Variants in GOPC observed in about 807,000 individuals in gnomAD.
GOPC encodes Golgi-associated PDZ and coiled-coil motif-containing protein.
Under a neutral mutation model 51.2 loss-of-function variants are expected in GOPC, and 32 were observed. That is an observed-to-expected ratio of 0.63 (90% CI 0.47 to 0.84). The LOEUF (loss-of-function observed/expected upper bound fraction) is 0.84, where lower values mean the gene tolerates loss of function less well. GOPC is among the 40% of genes least tolerant of loss of function. GOPC has a pLI of 0.00. For missense variants in GOPC, 441 were observed against 555.5 expected, an observed-to-expected ratio of 0.79 and a Z score of 2.07; for synonymous variants, 190 against 205.1, an observed-to-expected ratio of 0.93 and a Z score of 0.63.
At position 117,560,430 on chromosome 6, in the gene GOPC, G is replaced by A. The variant is rs921264183; in HGVS notation, c.*2824C>T. ...AATAGATTTGAGGCCAACCATAAGTGTAAGACTGGATAGATGGAATAGGGA... is the reference window on the plus strand; with the variant it reads ...AATAGATTTGAGGCCAACCATAAGTATAAGACTGGATAGATGGAATAGGGA... On this transcript the variant is annotated 3_prime_UTR_variant, in exon 9 of 9. Transcript: ENST00000368498. 1.1e-5 allele frequency: 2 copies of A among 189,556 alleles called. No homozygotes were observed. The highest frequency in any genetic ancestry group is 2.3e-5 in the African/African-American group (1 of 42,858). The allele number at this position is 189,556 out of a possible 1,614,324, so 11.7% of individuals were successfully genotyped here. A position where few individuals can be genotyped will look rare whatever the true frequency, so the allele number is the denominator to read the frequency against.
intron 8 of GOPC, among the ~76,000 whole-genome samples, chr6:117,565,006 A>G (rs1423422483): frequency 6.6e-6 from 1 of 152,196 alleles, no homozygotes; most frequent in African/African-American, 2.4e-5. Context: ...GAGGACTCCA[A>G]GAAGCTTCTG....
chr6:117,592,952 T>G (rs895052237), intron 1 of GOPC, among the ~76,000 whole-genome samples: 1 of 152,192 alleles, frequency 6.6e-6, no homozygotes, highest in African/African-American at 2.4e-5. Context: ...AATAACACAC[T>G]TGTCTGTATA....
At chr6:117,591,027 T>TA (rs1780109356) in intron 1 of GOPC, among the ~76,000 whole-genome samples, 1 of 152,116 alleles carries the variant, frequency 6.6e-6, no homozygotes, top group Non-Finnish European at 1.5e-5. Flanking sequence ...TAATTTTGTA[T>TA]ATTTAGTAGA....
chr6:117,582,810 T>G (rs1223279898), intron 1 of GOPC, among the ~76,000 whole-genome samples: 1 of 150,782 alleles, frequency 6.6e-6, no homozygotes, highest in African/African-American at 2.4e-5. Context: ...CAGCATGAAT[T>G]CACATTACCT....
intron 5 of GOPC, 111 bp from the exon 6 acceptor site, chr6:117,571,066 A>G (rs1779799361): frequency 6.3e-6 from 3 of 472,524 alleles, no homozygotes; most frequent in Middle Eastern, 5.7e-4. Context: ...ACTTCCTGGA[A>G]TGGATAAACA....
chr6:117,585,797 G>A (rs1184698329), intron 1 of GOPC, among the ~76,000 whole-genome samples: 1 of 152,176 alleles, frequency 6.6e-6, no homozygotes, highest in Non-Finnish European at 1.5e-5. Flanking sequence ...GTACTTGTGA[G>A]CATACACAGG....
At chr6:117,601,931 A>G in intron 1 of GOPC, 73 bp downstream of exon 1, 1 of 1,505,244 alleles carries the variant, frequency 6.6e-7, no homozygotes, top group Non-Finnish European at 9.1e-7. Flanking sequence ...GTTTCACTGG[A>G]GCGTTAAATG....
intron 7 of GOPC, among the ~76,000 whole-genome samples, chr6:117,568,026 C>CAAAAA (rs779227271): frequency 6.4e-5 from 3 of 46,630 alleles, no homozygotes; most frequent in Admixed American, 2.5e-4. Flanking sequence ...CCCATCTCTA[C>CAAAAA]AAAAAAAAAA....
chr6:117,564,153 A>C (rs1779646536), intron 8 of GOPC, among the ~76,000 whole-genome samples: 1 of 151,748 alleles, frequency 6.6e-6, no homozygotes, highest in South Asian at 2.1e-4. Context: ...ATATTTTAAA[A>C]ATTTTTTTGA....
intron 1 of GOPC, among the ~76,000 whole-genome samples, chr6:117,595,751 T>A (rs1272445049): frequency 6.6e-6 from 1 of 152,242 alleles, no homozygotes; most frequent in Non-Finnish European, 1.5e-5. Context: ...CTGAGTAATA[T>A]TCCAGGTGTC....
intron 1 of GOPC, among the ~76,000 whole-genome samples, chr6:117,585,291 C>T (rs1010896645): frequency 6.6e-6 from 1 of 152,034 alleles, no homozygotes; most frequent in Non-Finnish European, 1.5e-5. Flanking sequence ...TAAATATAAG[C>T]AGGTTTTTAT....
At position 117,561,257 on chromosome 6, in the gene GOPC, T is replaced by C. The variant is rs1471202816; in HGVS notation, c.*1997A>G. On this transcript the variant is annotated 3_prime_UTR_variant, in exon 9 of 9. Coordinates refer to ENST00000368498, the MANE Select transcript of GOPC (RefSeq NM_020399.4). ...ACAGTGACCTCATAAAAATTCCAAC[T>C]TGAAGTTTTAAAAAACCACCTCTTC... is the stretch of plus-strand genomic sequence containing the variant. 4.5e-6 allele frequency: 1 copy of C among 223,374 alleles called. No individual in the cohort carries two copies. Among genetic ancestry groups the C allele is most frequent in the Admixed American group, 5.7e-5 (1 of 17,408 alleles). 13.8% of individuals were successfully genotyped at this position (223,374 alleles called of 1,614,324 possible).
intron 1 of GOPC, among the ~76,000 whole-genome samples, chr6:117,580,168 C>T (rs530066729): frequency 4.0e-4 from 61 of 152,048 alleles, no homozygotes; most frequent in Non-Finnish European, 7.9e-4. Flanking sequence ...GACTAAAAGC[C>T]TCTCTGAGCA....
Position 117,566,913 on chromosome 6 carries a change from C to G in GOPC, c.1199G>C (p.Gly400Ala). The change falls in exon 8 of 9, where the codon GGA (glycine) becomes GCA (alanine). Residue 400 changes from glycine to alanine, a missense_variant. By Grantham distance (60) the Gly-to-Ala change is moderately conservative. Coordinates refer to ENST00000368498, the MANE Select transcript of GOPC (RefSeq NM_020399.4). Reference protein sequence around the residue: ...RYRLYLDELEGGGNPGASCKD... With the variant: ...RYRLYLDELEAGGNPGASCKD... Reference sequence around the variant, plus strand: ...GCAACTAGCACCAGGGTTACCACCTCCTTCTAACTCATCAAGGTACAAACG... The same window carrying G: ...GCAACTAGCACCAGGGTTACCACCTGCTTCTAACTCATCAAGGTACAAACG... 1 of 1,610,570 alleles carries G rather than the reference C, an allele frequency of 6.2e-7. No homozygotes were observed. Among genetic ancestry groups the G allele is most frequent in the Admixed American group, 1.7e-5 (1 of 59,266 alleles).
chr6:117,573,510 C>A lies in GOPC; in HGVS notation c.773G>T (p.Gly258Val). ...CATTGGTCGTTTCAAGTCATTACGT[C>A]CTCTGCAGGCTCGGATCACAGTTTT... Reference protein sequence around the residue: ...RHKTVIRACRGRNDLKRPMQA... With the variant: ...RHKTVIRACRVRNDLKRPMQA... The change falls in exon 5 of 9, where the codon GGA becomes GTA. Residue 258 changes from glycine to valine, a missense_variant. Transcript: ENST00000368498. 1 of 1,614,090 alleles carries A rather than the reference C, an allele frequency of 6.2e-7. No individual in the cohort carries two copies. The highest frequency in any genetic ancestry group is 8.5e-7 in the Non-Finnish European group (1 of 1,179,998).
intron 1 of GOPC, among the ~76,000 whole-genome samples, chr6:117,586,475 CTTTTTTTTTTTT>C (rs869148559): frequency 0.022 from 1,993 of 92,096 alleles, 49 homozygotes; most frequent in South Asian, 0.088. Context: ...CACAGAGATT[CTTTTTTTTTTTT>C]TTTTTTTTTT....
intron 1 of GOPC, among the ~76,000 whole-genome samples, chr6:117,589,989 T>C (rs1332747083): frequency 6.6e-6 from 1 of 152,214 alleles, no homozygotes; most frequent in Non-Finnish European, 1.5e-5. Context: ...TGCTTGTGAA[T>C]TACATACCAG....
At chr6:117,565,488 T>C (rs1779678122) in intron 8 of GOPC, among the ~76,000 whole-genome samples, 1 of 152,224 alleles carries the variant, frequency 6.6e-6, no homozygotes, top group Non-Finnish European at 1.5e-5. Flanking sequence ...GAATGGATCT[T>C]TTCCCATGCA....
At chr6:117,564,485 A>G (rs1359216139) in intron 8 of GOPC, among the ~76,000 whole-genome samples, 1 of 152,236 alleles carries the variant, frequency 6.6e-6, no homozygotes, top group African/African-American at 2.4e-5. Context: ...ACGAATTCTG[A>G]TCATCTATAA....
Sources: allele counts gnomAD v4.1 joint callset (sites outside exome capture counted in the v4.1 genomes callset), GRCh38; gene constraint gnomAD v4.1.1; transcripts MANE v1.5; gene names NCBI Gene and HGNC (gene_info 2026-07-23, HGNC 2026-07-21).